ANKRD11: variants seen among roughly 807,000 people sequenced by gnomAD.
ANKRD11 encodes ankyrin repeat domain 11.
A neutral mutation model predicts 195.7 loss-of-function variants in ANKRD11; 17 were observed. The ratio of observed to expected loss-of-function variants is 0.09; its 90% confidence interval spans 0.06 to 0.13. The LOEUF is 0.13. Ranked by LOEUF, ANKRD11 falls within the 10% of genes least tolerant of loss-of-function variation. ANKRD11 has a pLI of 1.00. For synonymous variants in ANKRD11, 1,953 were observed against 1,528.1 expected (o/e 1.28, Z -6.49); for missense variants, 3,735 against 3,566.1 (o/e 1.05, Z -1.21).
intron 2 of ANKRD11, among the ~76,000 whole-genome samples, chr16:89,382,806 G>C (rs994760367): frequency 2.6e-5 from 4 of 152,104 alleles, no homozygotes; most frequent in African/African-American, 9.7e-5. Context: ...CCACCACCTT[G>C]ACATCATATC....
At chr16:89,360,473 T>A (rs1405155008) in intron 2 of ANKRD11, 1 of 152,256 alleles carries the variant, frequency 6.6e-6, no homozygotes, top group African/African-American at 2.4e-5. Flanking sequence ...AGAAACTATA[T>A]ACCACAAATC....
chr16:89,274,486 T>C (rs1279926310), intron 11 of ANKRD11, among the ~76,000 whole-genome samples: 1 of 152,066 alleles, frequency 6.6e-6, no homozygotes, highest in Non-Finnish European at 1.5e-5. Flanking sequence ...CAGAAAATAA[T>C]GCCAGCGCTG....
In ANKRD11 at chr16:89,279,893, G is replaced by C. The variant is rs904421745; in HGVS notation, c.6649C>G (p.Leu2217Val). ...PSGEPKLDVALEAAVEAETVP... is the reference protein window; with the variant it reads ...PSGEPKLDVAVEAAVEAETVP... ...GTCTCCGCCTCCACCGCAGCTTCTA[G>C]AGCCACGTCCAGCTTTGGCTCCCCT... Residue 2217 changes from leucine (L) to valine (V), a missense_variant, in exon 9 of 13, where the codon CTA becomes GTA. By Grantham distance (32) the Leu-to-Val change is conservative. Coordinates refer to ENST00000301030, the MANE Select transcript of ANKRD11 (RefSeq NM_013275.6). The surrounding 1 kb of genome is among the most constrained non-coding windows in gnomAD (Gnocchi z 5.6). 5 of 1,604,690 alleles carry C rather than the reference G, an allele frequency of 3.1e-6. No homozygotes were observed. The highest frequency in any genetic ancestry group is 1.7e-4 in the Middle Eastern group (1 of 5,784).
intron 2 of ANKRD11, among the ~76,000 whole-genome samples, chr16:89,334,871 G>A (rs1483711533): frequency 6.6e-6 from 1 of 152,138 alleles, no homozygotes; most frequent in Non-Finnish European, 1.5e-5. Context: ...TGGATTCGAA[G>A]AGCCAGACAC....
At chr16:89,435,459 C>G (rs369838593) in intron 1 of ANKRD11, among the ~76,000 whole-genome samples, 1 of 152,130 alleles carries the variant, frequency 6.6e-6, no homozygotes, top group African/African-American at 2.4e-5. Context: ...TGGGTCTGTA[C>G]TACCTTTATG....
At chr16:89,409,465 A>G (rs2042034498) in intron 2 of ANKRD11, among the ~76,000 whole-genome samples, 1 of 152,198 alleles carries the variant, frequency 6.6e-6, no homozygotes, top group Non-Finnish European at 1.5e-5. Flanking sequence ...GGCCCTGCCC[A>G]CAGCATAAAA....
intron 2 of ANKRD11, among the ~76,000 whole-genome samples, chr16:89,338,865 C>A (rs1434800424): frequency 6.6e-6 from 1 of 151,870 alleles, no homozygotes; most frequent in Non-Finnish European, 1.5e-5. Flanking sequence ...AAAGGTTTGC[C>A]AAATGAATAC....
chr16:89,287,200 C>G, intron 7 of ANKRD11: 1 of 926,888 alleles, frequency 1.1e-6, no homozygotes, highest in Non-Finnish European at 1.5e-6. Context: ...CTCGGCCCTC[C>G]TCTAAGGCCA....
chr16:89,397,943 T>C (rs1453147874), intron 2 of ANKRD11, among the ~76,000 whole-genome samples: 2 of 152,226 alleles, frequency 1.3e-5, no homozygotes. Flanking sequence ...CCTCAGACAC[T>C]GATCTCCTGT....
In ANKRD11 at chr16:89,282,874, C is replaced by T. The variant is rs1201415287; in HGVS notation, c.3668G>A (p.Arg1223Lys). Residue 1223 changes from arginine (R) to lysine (K), a missense_variant, in exon 9 of 13, where the codon AGA (arginine) becomes AAA (lysine). Transcript: ENST00000301030. The stretch of plus-strand genomic sequence containing the variant: ...ATCTTGCGTGGAGTCCACTGAGGCT[C>T]TGTCCTTCCTGTCCTTGTACTTTTC... ...STEKYKDRKD[R>K]ASVDSTQDKK... 6.2e-7 allele frequency: 1 copy of T among 1,612,890 alleles called. No homozygotes were observed. Among genetic ancestry groups the T allele is most frequent in the African/African-American group, 1.3e-5 (1 of 75,018 alleles).
intron 1 of ANKRD11, among the ~76,000 whole-genome samples, chr16:89,464,932 T>C (rs1477769388): frequency 6.6e-6 from 1 of 152,188 alleles, no homozygotes; most frequent in African/African-American, 2.4e-5. Flanking sequence ...GGAAACCACC[T>C]GGGGGTCAGG....
At chr16:89,374,332 T>A (rs547076752) in intron 2 of ANKRD11, among the ~76,000 whole-genome samples, 3 of 148,878 alleles carry the variant, frequency 2.0e-5, no homozygotes, top group Non-Finnish European at 4.5e-5. Flanking sequence ...CACCATGTGT[T>A]TTTGTAAAAA....
chr16:89,408,906 C>T (rs1349272558), intron 2 of ANKRD11, among the ~76,000 whole-genome samples: 1 of 152,178 alleles, frequency 6.6e-6, no homozygotes, highest in East Asian at 1.9e-4. Flanking sequence ...CTCTCACAGA[C>T]CTTAGGAGTT....
intron 1 of ANKRD11, among the ~76,000 whole-genome samples, chr16:89,433,188 G>C (rs1346694782): frequency 6.6e-6 from 1 of 152,164 alleles, no homozygotes; most frequent in East Asian, 1.9e-4. Context: ...AAATGAAAAA[G>C]GAAGACAGTA....
chr16:89,489,960 G>GC (rs1207292999), intron 1 of ANKRD11, among the ~76,000 whole-genome samples: 86 of 142,648 alleles, frequency 6.0e-4, no homozygotes, highest in African/African-American at 1.6e-3. Context: ...GACCTCCCAG[G>GC]CCCCCCCCGG....
chr16:89,384,879 C>CTTTTTTTTTTTTTTTTTT lies in ANKRD11; in HGVS notation c.-60+33387_-60+33404dup. 3.5e-3 allele frequency among the ~76,000 whole-genome samples: 177 copies of CTTTTTTTTTTTTTTTTTT among 49,932 alleles called. 30 individuals carry two copies. The highest frequency in any genetic ancestry group is 6.0e-3 in the South Asian group (5 of 840). The allele number at this position is 49,932 out of a possible 152,430, so 32.8% of individuals were successfully genotyped here. A position where few individuals can be genotyped will look rare whatever the true frequency, so the allele number is the denominator to read the frequency against. ...GGAGCACACAATGAGAAATAGTTTT[C>CTTTTTTTTTTTTTTTTTT]TTTTTTTTTTTTTTTTTTTTTTTTT... On this transcript the variant is annotated intron_variant, in intron 2 of 12. Coordinates refer to ENST00000301030, the MANE Select transcript of ANKRD11 (RefSeq NM_013275.6).
intron 2 of ANKRD11, among the ~76,000 whole-genome samples, chr16:89,385,743 G>T (rs181277685): frequency 6.6e-6 from 1 of 152,234 alleles, no homozygotes; most frequent in Non-Finnish European, 1.5e-5. Flanking sequence ...CCACTTTCAC[G>T]TCTGACGACA....
At chr16:89,326,892 C>G (rs1028926478) in intron 2 of ANKRD11, among the ~76,000 whole-genome samples, 1 of 152,190 alleles carries the variant, frequency 6.6e-6, no homozygotes, top group African/African-American at 2.4e-5. Flanking sequence ...CACATCTGCA[C>G]GTGGGGCTGA....
chr16:89,454,509 C>G (rs1174231736), intron 1 of ANKRD11, among the ~76,000 whole-genome samples: 1 of 152,184 alleles, frequency 6.6e-6, no homozygotes, highest in African/African-American at 2.4e-5. Flanking sequence ...CCAATTTTCT[C>G]CTTCACAAAT....
Sources: gnomAD v4.1 joint callset for allele counts (sites outside exome capture counted in the v4.1 genomes callset) on GRCh38, gnomAD v4.1.1 for gene constraint, Gnocchi (gnomAD v3.1) non-coding constraint, MANE v1.5 for transcripts, NCBI Gene and HGNC (gene_info 2026-07-23, HGNC 2026-07-21) for gene names.